The following METTL15 variants were observed in gnomAD, a reference collection of about 807,000 sequenced individuals.
METTL15 encodes the protein 12S rRNA N(4)-cytidine methyltransferase METTL15.
Under a neutral mutation model 38.3 loss-of-function variants are expected in METTL15, and 34 were observed. The ratio of observed to expected loss-of-function variants is 0.89; its 90% CI spans 0.68 to 1.18. METTL15 has a LOEUF of 1.18. METTL15 is among the 50% of genes most tolerant of loss of function. The pLI is 0.00. For synonymous variants in METTL15, 162 were observed against 170.9 expected (o/e 0.95, Z 0.41); for missense variants, 438 against 498.4 (o/e 0.88, Z 1.15).
Position 28,374,807 on chromosome 11 carries a change from A to G in METTL15, c.*358+12771A>G, listed in dbSNP as rs1453851059. Among the ~76,000 whole-genome samples, 757 of 150,800 alleles carry G rather than the reference A, an allele frequency of 5.0e-3. 3 individuals carry two copies. Among genetic ancestry groups the G allele is most frequent in the Admixed American group, 8.2e-3 (123 of 15,052 alleles). On this transcript the variant is annotated intron_variant and NMD_transcript_variant, in intron 5 of 7. Transcript: ENST00000532947. ...GTATGGTATTGGCTGTGGGTTTGTC[A>G]TAGATAGCTCTTATTATTTTGAAAT...
At chr11:28,225,039 A>G (rs1853416799) in intron 4 of METTL15, among the ~76,000 whole-genome samples, 1 of 151,764 alleles carries the variant, frequency 6.6e-6, no homozygotes, top group Non-Finnish European at 1.5e-5. Flanking sequence ...TTTTTTAAGT[A>G]TGTTTTTAAA....
chr11:28,399,710 T>G (rs1439083353), intron 5 of METTL15, among the ~76,000 whole-genome samples: 3 of 151,940 alleles, frequency 2.0e-5, no homozygotes, highest in Non-Finnish European at 4.4e-5. Context: ...AAAATCTTTC[T>G]AATCTACTAT....
chr11:28,152,612 T>A (rs1158542153), intron 3 of METTL15, among the ~76,000 whole-genome samples: 2 of 151,932 alleles, frequency 1.3e-5, no homozygotes, highest in African/African-American at 4.8e-5. Flanking sequence ...TCTCTTAGTG[T>A]CCATGAGGGA....
intron 6 of METTL15, among the ~76,000 whole-genome samples, chr11:28,320,756 G>T (rs1849436990): frequency 6.6e-6 from 1 of 152,054 alleles, no homozygotes; most frequent in Non-Finnish European, 1.5e-5. Context: ...AATACAACCT[G>T]GAAGGTTTAG....
At chr11:28,414,484 A>T (rs1009505084) in intron 5 of METTL15, among the ~76,000 whole-genome samples, 1 of 152,098 alleles carries the variant, frequency 6.6e-6, no homozygotes, top group African/African-American at 2.4e-5. Flanking sequence ...TAATCTGAAG[A>T]GGGGCAAGGA....
intron 6 of METTL15, among the ~76,000 whole-genome samples, chr11:28,509,276 T>G (rs1428478055): frequency 6.6e-6 from 1 of 152,202 alleles, no homozygotes; most frequent in African/African-American, 2.4e-5. Context: ...ACATAAGGTA[T>G]TCTACTTTTG....
At chr11:28,389,693 C>T (rs999505388) in intron 5 of METTL15, among the ~76,000 whole-genome samples, 62 of 151,748 alleles carry the variant, frequency 4.1e-4, no homozygotes, top group Admixed American at 3.3e-4. Context: ...AATAAACATA[C>T]GTGTGCATGT....
At chr11:28,112,183 T>C (rs1171038872) in intron 2 of METTL15, among the ~76,000 whole-genome samples, 1 of 152,206 alleles carries the variant, frequency 6.6e-6, no homozygotes, top group Non-Finnish European at 1.5e-5. Context: ...ATGCTTCTTG[T>C]AGTATTTTGA....
intron 3 of METTL15, chr11:28,197,629 T>A (rs1206623288): frequency 3.1e-6 from 1 of 318,586 alleles, no homozygotes; most frequent in Non-Finnish European, 6.5e-6. Context: ...CTATCTGAAG[T>A]CACATGTTTA....
chr11:28,428,879 C>T (rs1391757343), intron 6 of METTL15, among the ~76,000 whole-genome samples: 3 of 152,220 alleles, frequency 2.0e-5, no homozygotes, highest in African/African-American at 7.2e-5. Flanking sequence ...TTCCTATAAC[C>T]TGATACCTGG....
At chr11:28,395,535 C>T (rs879099011) in intron 5 of METTL15, among the ~76,000 whole-genome samples, 1 of 152,080 alleles carries the variant, frequency 6.6e-6, no homozygotes, top group Non-Finnish European at 1.5e-5. Flanking sequence ...GACACATACA[C>T]CCTCCCAAGA....
chr11:28,113,388 G>A lies in METTL15; in HGVS notation c.54G>A (p.Trp18Ter). The A allele has an allele frequency of 6.3e-7, 1 of 1,593,618 alleles. No individual in the cohort carries two copies. Among genetic ancestry groups the A allele is most frequent in the East Asian group, 2.3e-5 (1 of 44,346 alleles). ...CRMYKECLSC[W>*]LESGIPNLGV... ...TGTATAAAGAATGCCTTTCATGTTG[G>A]TTGGAATCTGGCATACCTAATTTAG... The change falls in exon 3 of 7, where the codon TGG (tryptophan) becomes TGA (stop). Residue 18 changes from tryptophan to a stop codon, truncating the protein, a stop_gained. Coordinates refer to ENST00000407364, the MANE Select transcript of METTL15 (RefSeq NM_001113528.2). LOFTEE classifies it high-confidence loss of function.
chr11:28,362,071 G>C (rs945045758), intron 5 of METTL15: 3 of 152,078 alleles, frequency 2.0e-5, no homozygotes, highest in Non-Finnish European at 2.9e-5. Context: ...AATACATATT[G>C]ACCCTCAGTA....
chr11:28,230,059 A>G (rs758266824), intron 4 of METTL15, among the ~76,000 whole-genome samples: 56 of 151,972 alleles, frequency 3.7e-4, no homozygotes, highest in Non-Finnish European at 3.1e-4. Flanking sequence ...ATTTTTAGCC[A>G]TTTCTTGTTC....
chr11:28,447,837 T>C (rs555176337), intron 6 of METTL15, among the ~76,000 whole-genome samples: 2 of 152,274 alleles, frequency 1.3e-5, no homozygotes, highest in East Asian at 3.9e-4. Flanking sequence ...CTCTTATTTA[T>C]GCATGCCCAC....
At chr11:28,200,230 C>A (rs755825965) in intron 3 of METTL15, among the ~76,000 whole-genome samples, 2 of 152,108 alleles carry the variant, frequency 1.3e-5, no homozygotes, top group Non-Finnish European at 2.9e-5. Context: ...TCCATCTCTG[C>A]CATTCATTAG....
chr11:28,284,089 C>A (rs952021896), intron 4 of METTL15, among the ~76,000 whole-genome samples: 2 of 152,040 alleles, frequency 1.3e-5, no homozygotes, highest in African/African-American at 4.8e-5. Flanking sequence ...AGTTGGTAAG[C>A]AAACTTCAAT....
At chr11:28,398,155 C>A (rs1442786812) in intron 5 of METTL15, among the ~76,000 whole-genome samples, 1 of 151,790 alleles carries the variant, frequency 6.6e-6, no homozygotes, top group African/African-American at 2.4e-5. Context: ...ACCAACATGG[C>A]ACATGTGTAC....
intron 6 of METTL15, among the ~76,000 whole-genome samples, chr11:28,508,123 A>T (rs1590398478): frequency 6.6e-6 from 1 of 151,380 alleles, no homozygotes; most frequent in South Asian, 2.1e-4. Flanking sequence ...AACACTTCAA[A>T]CTTATTTCCT....
Sources: gnomAD v4.1 joint callset for allele counts (sites outside exome capture counted in the v4.1 genomes callset) on GRCh38, gnomAD v4.1.1 for gene constraint, MANE v1.5 for transcripts, NCBI Gene and HGNC (gene_info 2026-07-23, HGNC 2026-07-21) for gene names.